BRWD1: variants seen among roughly 807,000 people sequenced by gnomAD.
BRWD1 encodes bromodomain and WD repeat-containing protein 1.
A neutral mutation model predicts 251.2 loss-of-function variants in BRWD1; 82 were observed. The observed-to-expected ratio is 0.33, with a 90% CI of 0.27 to 0.39. The LOEUF (loss-of-function observed/expected upper bound fraction) is 0.39. Among genes scored for constraint, BRWD1 ranks in the 10% least tolerant of loss-of-function variants. The pLI, the probability that BRWD1 is intolerant of heterozygous loss-of-function variation, is 1.00. For missense variants in BRWD1, 2,233 were observed against 2,711.6 expected (o/e 0.82, Z 3.92); for synonymous variants, 918 against 902.8 (o/e 1.02, Z -0.30).
In BRWD1 at chr21:39,198,789, A is replaced by G; in HGVS notation, c.5627T>C (p.Ile1876Thr). 6.3e-7 allele frequency: 1 copy of G among 1,592,130 alleles called. No homozygotes were observed. Among genetic ancestry groups the G allele is most frequent in the South Asian group, 1.2e-5 (1 of 86,820 alleles). Reference protein sequence around the residue: ...ETDLDSDDDKIEKPNNFMKDS... With the variant: ...ETDLDSDDDKTEKPNNFMKDS... ...TTTCATAAAATTGTTTGGTTTTTCT[A>G]TTTTGTCATCATCTGAATCTAAATC... Residue 1876 changes from isoleucine to threonine, a missense_variant, in exon 40 of 41, where the codon ATA becomes ACA. Ile to Thr is a moderately conservative substitution (Grantham distance 89). Coordinates refer to ENST00000342449, the MANE Select transcript of BRWD1 (RefSeq NM_033656.4).
intron 40 of BRWD1, among the ~76,000 whole-genome samples, chr21:39,198,208 T>C (rs2031921678): frequency 6.6e-6 from 1 of 152,190 alleles, no homozygotes; most frequent in Non-Finnish European, 1.5e-5. Flanking sequence ...ACAAGTTATT[T>C]CACCACTTTG....
chr21:39,199,218 C>G lies in BRWD1; in HGVS notation c.5198G>C (p.Trp1733Ser). Residue 1733 changes from tryptophan (W) to serine (S), a missense_variant, in exon 40 of 41, where the codon TGG (tryptophan) becomes TCG (serine). By Grantham distance (177) the Trp-to-Ser change is radical. Coordinates refer to ENST00000342449, the MANE Select transcript of BRWD1 (RefSeq NM_033656.4). Reference protein sequence around the residue: ...ESDLRVARKNWHANGYKSHTP... With the variant: ...ESDLRVARKNSHANGYKSHTP... ...ATGGGACTTGTAACCATTAGCATGC[C>G]AATTTTTCCGGGCTACCCGCAAATC... The G allele has an allele frequency of 6.2e-7, 1 of 1,614,100 alleles. No homozygotes were observed. The highest frequency in any genetic ancestry group is 8.5e-7 in the Non-Finnish European group (1 of 1,180,028).
At chr21:39,248,790 G>A (rs1026589292) in intron 20 of BRWD1, among the ~76,000 whole-genome samples, 1 of 151,894 alleles carries the variant, frequency 6.6e-6, no homozygotes, top group Admixed American at 6.6e-5. Flanking sequence ...AACCACTGTG[G>A]AAAGCAGTTT....
intron 12 of BRWD1, 137 bp downstream of exon 12, chr21:39,276,036 A>G (rs768736102): frequency 3.8e-5 from 25 of 663,370 alleles, no homozygotes; most frequent in Non-Finnish European, 5.1e-5. Context: ...CCATCTCAAA[A>G]AATAAATAAA....
intron 11 of BRWD1, 133 bp from the exon 12 acceptor site, chr21:39,276,346 C>T: frequency 1.9e-6 from 1 of 526,392 alleles, no homozygotes; most frequent in Admixed American, 3.9e-5. Context: ...TTAGCCCTGT[C>T]ATTCAACATG....
chr21:39,261,152 G>A (rs2034730779), intron 17 of BRWD1, among the ~76,000 whole-genome samples: 1 of 150,880 alleles, frequency 6.6e-6, no homozygotes, highest in Non-Finnish European at 1.5e-5. Flanking sequence ...TTGAACCCCA[G>A]AGGCAAAGGT....
At chr21:39,221,442 T>C (rs1170500290) in intron 29 of BRWD1, among the ~76,000 whole-genome samples, 1 of 152,090 alleles carries the variant, frequency 6.6e-6, no homozygotes, top group Non-Finnish European at 1.5e-5. Context: ...TAACAAATTT[T>C]ACACTAACAT....
chr21:39,320,521 G>T (rs1471210962), intron 1 of BRWD1, among the ~76,000 whole-genome samples: 1 of 151,990 alleles, frequency 6.6e-6, no homozygotes, highest in African/African-American at 2.4e-5. Flanking sequence ...TTTTTCTACA[G>T]ACGGGGATTC....
At chr21:39,213,799 AT>A (rs2032765543) in intron 32 of BRWD1, among the ~76,000 whole-genome samples, 1 of 152,056 alleles carries the variant, frequency 6.6e-6, no homozygotes. Flanking sequence ...TAATCCAAAA[AT>A]AATATATGTA....
intron 29 of BRWD1, among the ~76,000 whole-genome samples, chr21:39,224,200 A>G (rs2033291701): frequency 6.6e-6 from 1 of 152,216 alleles, no homozygotes; most frequent in Admixed American, 6.5e-5. Context: ...CAAGCTATTA[A>G]GGTACAGCCA....
At chr21:39,230,635 T>G (rs2146548265) in intron 25 of BRWD1, among the ~76,000 whole-genome samples, 1 of 152,248 alleles carries the variant, frequency 6.6e-6, no homozygotes, top group Non-Finnish European at 1.5e-5. Flanking sequence ...CTAACATACC[T>G]TCTCCATAAG....
At chr21:39,282,786 T>C (rs758470751) in intron 8 of BRWD1, among the ~76,000 whole-genome samples, 4 of 151,830 alleles carry the variant, frequency 2.6e-5, no homozygotes, top group South Asian at 2.1e-4. Flanking sequence ...GGTGAAACCC[T>C]GTCTCTACTA....
intron 29 of BRWD1, among the ~76,000 whole-genome samples, chr21:39,223,059 GA>G (rs2033241936): frequency 6.6e-6 from 1 of 152,102 alleles, no homozygotes; most frequent in Non-Finnish European, 1.5e-5. Flanking sequence ...GAAAGACAGT[GA>G]AAAACGGAGG....
chr21:39,298,223 T>A lies in BRWD1; in HGVS notation c.349+209A>T, dbSNP rs1368818731. ...CAAGCTTTTTAGCTTAACATCTATA[T>A]CTTTATCAACTTTTTAATGCAGAAG... On this transcript the variant is annotated intron_variant, in intron 5 of 40. Transcript: ENST00000342449. 4.1e-6 allele frequency: 5 copies of A among 1,211,500 alleles called. No individual in the cohort carries two copies. The African/African-American group carries it at 7.8e-5, about 19-fold the overall frequency. The allele number at this position is 1,211,500 out of a possible 1,614,324, so 75.0% of individuals were successfully genotyped here. A position where few individuals can be genotyped will look rare whatever the true frequency, so the allele number is the denominator to read the frequency against.
intron 25 of BRWD1, among the ~76,000 whole-genome samples, chr21:39,230,299 TTC>T (rs2033559489): frequency 6.6e-6 from 1 of 152,198 alleles, no homozygotes; most frequent in Admixed American, 6.5e-5. Flanking sequence ...CAGTGTCTGC[TTC>T]TCTGATACTA....
chr21:39,312,299 A>C (rs1234731107), intron 4 of BRWD1, among the ~76,000 whole-genome samples: 1 of 152,276 alleles, frequency 6.6e-6, no homozygotes, highest in African/African-American at 2.4e-5. Context: ...AAAGGAGCAC[A>C]AGCACTACAG....
chr21:39,238,610 G>T (rs769538130), intron 21 of BRWD1, 37 bp from the exon 22 acceptor site: 2 of 1,421,980 alleles, frequency 1.4e-6, no homozygotes, highest in Non-Finnish European at 2.0e-6. Flanking sequence ...CTTGATCCCT[G>T]AAGTTAAACA....
intron 20 of BRWD1, among the ~76,000 whole-genome samples, 173 bp downstream of exon 20, chr21:39,250,623 C>T (rs2034363657): frequency 6.6e-6 from 1 of 151,342 alleles, no homozygotes; most frequent in South Asian, 2.1e-4. Flanking sequence ...TCAAACTACT[C>T]CTTTCTAACA....
At position 39,200,231 on chromosome 21, in the gene BRWD1, G is replaced by T; in HGVS notation, c.4741C>A (p.Gln1581Lys). 2 of 1,602,540 alleles carry T rather than the reference G, an allele frequency of 1.2e-6. No homozygotes were observed. The highest frequency in any genetic ancestry group is 1.8e-5 in the Admixed American group (1 of 56,644). Residue 1581 changes from glutamine (Q) to lysine (K), a missense_variant, in exon 39 of 41, where the codon CAA becomes AAA. Physicochemically the swap from Gln to Lys is moderately conservative, Grantham distance 53. Around this residue, in one of 12 missense-constraint regions of BRWD1, gnomAD observed 928 missense variants for 970.0 expected, o/e 0.96. Transcript: ENST00000342449. ...CTGAGTCTCTTACCAGTTTTTCTTT[G>T]AGCAGCTCTAGTTCTGGTTACCCTG... ...NLRVTRTRAAQRKTGPVSLAN... is the reference protein window; with the variant it reads ...NLRVTRTRAAKRKTGPVSLAN...
Sources: allele counts gnomAD v4.1 joint callset (sites outside exome capture counted in the v4.1 genomes callset), GRCh38; gene constraint gnomAD v4.1.1; regional missense constraint gnomAD v4.1.1; transcripts MANE v1.5; gene names NCBI Gene and HGNC (gene_info 2026-07-23, HGNC 2026-07-21).